Variants in CDH12 observed in about 807,000 individuals in gnomAD.
CDH12 encodes the protein cadherin 12.
Under a neutral mutation model 74.1 loss-of-function variants are expected in CDH12, and 41 were observed. The observed-to-expected ratio is 0.55, with a 90% CI of 0.43 to 0.72. CDH12 has a LOEUF of 0.72. CDH12 is among the 30% of genes least tolerant of loss of function. CDH12 has a pLI of 0.00. For synonymous variants in CDH12, 399 were observed against 355.0 expected (o/e 1.12, Z -1.39); for missense variants, 945 against 977.2 (o/e 0.97, Z 0.44).
intron 6 of CDH12, among the ~76,000 whole-genome samples, chr5:21,857,156 G>A (rs143913020): frequency 0.01 from 1,522 of 151,908 alleles, 9 homozygotes; most frequent in Non-Finnish European, 0.015. Flanking sequence ...CACACCAGCT[G>A]TTCCTGACAC....
chr5:22,795,129 A>C lies in CDH12; in HGVS notation c.-523+57929T>G, dbSNP rs1246751014. ...AGTTATTCAAACAAGGCTCTTTTGG[A>C]ATTATTTCAGTCATCCCTAATATGT... On this transcript the variant is annotated intron_variant, in intron 1 of 14. Transcript: ENST00000382254. 2.0e-5 allele frequency among the ~76,000 whole-genome samples: 3 copies of C among 152,088 alleles called. No homozygotes were observed. In the East Asian group the frequency reaches 5.8e-4, roughly 29 times the overall value.
intron 8 of CDH12, among the ~76,000 whole-genome samples, chr5:21,830,134 G>A (rs548552499): frequency 7.0e-6 from 1 of 143,394 alleles, no homozygotes; most frequent in Non-Finnish European, 1.5e-5. Flanking sequence ...AGGAGGTGGA[G>A]GTTGCAGTGA....
In CDH12 at chr5:22,072,151, C is replaced by G. The variant is rs941158746; in HGVS notation, c.231+6295G>C. On this transcript the variant is annotated intron_variant, in intron 5 of 14. Transcript: ENST00000382254. The stretch of plus-strand genomic sequence containing the variant: ...TGCATCTTTTAATTGGCTGTCTGAT[C>G]GGTCATTCTAGAATTGCAATTCCAT... 9.9e-5 allele frequency among the ~76,000 whole-genome samples: 15 copies of G among 152,116 alleles called. No individual in the cohort carries two copies. In the East Asian group the frequency reaches 2.7e-3, roughly 27 times the overall value.
intron 1 of CDH12, among the ~76,000 whole-genome samples, chr5:22,627,392 T>C (rs1044356049): frequency 6.6e-6 from 1 of 151,800 alleles, no homozygotes; most frequent in South Asian, 2.1e-4. Flanking sequence ...ATCAGATGTT[T>C]CAGCAGAAAT....
chr5:22,007,227 G>T (rs1580103306), intron 5 of CDH12, among the ~76,000 whole-genome samples: 2 of 152,086 alleles, frequency 1.3e-5, no homozygotes, highest in Non-Finnish European at 1.5e-5. Context: ...ATTAAATGAG[G>T]ATGATAACAA....
chr5:22,607,326 C>T (rs1229867017), intron 1 of CDH12, among the ~76,000 whole-genome samples: 2 of 152,102 alleles, frequency 1.3e-5, no homozygotes, highest in Non-Finnish European at 2.9e-5. Flanking sequence ...TGTATTAGTC[C>T]ATTTCACACT....
intron 4 of CDH12, among the ~76,000 whole-genome samples, chr5:22,140,508 C>T (rs1351644220): frequency 1.3e-5 from 2 of 152,082 alleles, no homozygotes; most frequent in Non-Finnish European, 2.9e-5. Context: ...TTTTTCACAA[C>T]TGCCTCTGTG....
intron 2 of CDH12, among the ~76,000 whole-genome samples, chr5:22,471,925 G>A (rs923786096): frequency 6.6e-6 from 1 of 152,150 alleles, no homozygotes; most frequent in Admixed American, 6.6e-5. Flanking sequence ...AGAGAAGTGA[G>A]ATCATGCTCA....
At chr5:22,310,397 A>G (rs1197831787) in intron 3 of CDH12, among the ~76,000 whole-genome samples, 2 of 150,768 alleles carry the variant, frequency 1.3e-5, no homozygotes, top group Non-Finnish European at 3.0e-5. Flanking sequence ...AGGGAGGCAG[A>G]GGTTGCAGTG....
chr5:22,555,229 CA>C (rs1244127105), intron 1 of CDH12, among the ~76,000 whole-genome samples: 1 of 151,648 alleles, frequency 6.6e-6, no homozygotes, highest in Non-Finnish European at 1.5e-5. Context: ...TTAATATAAA[CA>C]AAAAATTGTA....
chr5:22,253,184 A>C (rs1238016280), intron 3 of CDH12, among the ~76,000 whole-genome samples: 1 of 151,344 alleles, frequency 6.6e-6, no homozygotes, highest in Admixed American at 6.6e-5. Flanking sequence ...AGAATATTTC[A>C]TTTTTGTATT....
At chr5:21,758,289 A>G (rs939920054) in intron 13 of CDH12, among the ~76,000 whole-genome samples, 1 of 152,134 alleles carries the variant, frequency 6.6e-6, no homozygotes, top group Admixed American at 6.6e-5. Flanking sequence ...TGTTTGTCTT[A>G]TGGCCATTTC....
chr5:21,878,785 AAAAGAAAGAAAGAAAGAAG>A (rs967526352), intron 6 of CDH12, among the ~76,000 whole-genome samples: 2 of 95,946 alleles, frequency 2.1e-5, no homozygotes, highest in Non-Finnish European at 5.3e-5. Context: ...AAGAAAGAAA[AAAAGAAAGAAAGAAAGAAG>A]AAAGAAAGAA....
chr5:22,801,035 G>T (rs535176192), intron 1 of CDH12, among the ~76,000 whole-genome samples: 1 of 152,250 alleles, frequency 6.6e-6, no homozygotes, highest in East Asian at 1.9e-4. Context: ...GTGAACATAA[G>T]CTTTCATCTC....
intron 3 of CDH12, among the ~76,000 whole-genome samples, chr5:22,356,970 A>G (rs1293567744): frequency 2.0e-5 from 3 of 152,130 alleles, no homozygotes; most frequent in Admixed American, 2.0e-4. Flanking sequence ...TAATTAGAAG[A>G]CTGGTTGAAT....
intron 3 of CDH12, among the ~76,000 whole-genome samples, chr5:22,306,788 T>C (rs1580504678): frequency 6.6e-6 from 1 of 152,288 alleles, no homozygotes; most frequent in East Asian, 1.9e-4. Flanking sequence ...CTGCTTAAGA[T>C]ACTTATAAAT....
intron 1 of CDH12, among the ~76,000 whole-genome samples, chr5:22,660,863 A>G (rs1740311451): frequency 6.6e-6 from 1 of 152,248 alleles, no homozygotes; most frequent in East Asian, 1.9e-4. Context: ...CTTAAAAATT[A>G]AATATAATAT....
chr5:21,965,128 A>G (rs1756523348), intron 6 of CDH12, among the ~76,000 whole-genome samples: 1 of 152,072 alleles, frequency 6.6e-6, no homozygotes, highest in South Asian at 2.1e-4. Context: ...TTTCATAAAG[A>G]TAACAACTTC....
intron 4 of CDH12, among the ~76,000 whole-genome samples, chr5:22,126,441 C>T (rs1316038057): frequency 6.6e-6 from 1 of 152,046 alleles, no homozygotes; most frequent in Non-Finnish European, 1.5e-5. Flanking sequence ...AAGAGATTGG[C>T]CAGAACTGTA....
Sources: allele counts gnomAD v4.1 joint callset (sites outside exome capture counted in the v4.1 genomes callset), GRCh38; gene constraint gnomAD v4.1.1; transcripts MANE v1.5; gene names NCBI Gene and HGNC (gene_info 2026-07-23, HGNC 2026-07-21).